The following ZNF654 variants were observed in gnomAD, a reference collection of about 807,000 sequenced individuals.
The protein encoded by ZNF654 is zinc finger protein 654.
Under a neutral mutation model 95.3 loss-of-function variants are expected in ZNF654, and 19 were observed. That is an observed-to-expected ratio of 0.20 (90% confidence interval 0.14 to 0.29). The LOEUF (loss-of-function observed/expected upper bound fraction) is 0.29. Ranked by LOEUF, ZNF654 falls within the 10% of genes least tolerant of loss-of-function variation. ZNF654 has a pLI of 1.00. For synonymous variants in ZNF654, 413 were observed against 457.9 expected, an observed-to-expected ratio of 0.90 and a Z score of 1.25; for missense variants, 1,046 against 1,341.0, an observed-to-expected ratio of 0.78 and a Z score of 3.44.
chr3:88,080,901 G>C (rs1233774815), intron 1 of ZNF654, among the ~76,000 whole-genome samples: 2 of 152,112 alleles, frequency 1.3e-5, no homozygotes, highest in African/African-American at 4.8e-5. Flanking sequence ...AAGTAACATT[G>C]GTACAATAGT....
At chr3:88,091,209 T>G (rs2079051124) in intron 2 of ZNF654, among the ~76,000 whole-genome samples, 1 of 152,188 alleles carries the variant, frequency 6.6e-6, no homozygotes, top group Non-Finnish European at 1.5e-5. Context: ...ACATAATGAC[T>G]GTACTATGTT....
At chr3:88,112,002 T>A (rs745482217) in intron 2 of ZNF654, among the ~76,000 whole-genome samples, 7 of 151,988 alleles carry the variant, frequency 4.6e-5, no homozygotes, top group Non-Finnish European at 7.4e-5. Flanking sequence ...TTGACTTTTT[T>A]AACCTAACTT....
Position 88,059,301 on chromosome 3 carries a change from G to T in ZNF654, c.-19G>T, listed in dbSNP as rs1274746286. Reference sequence around the variant, plus strand: ...GGCGGCGGCGCAGGGGCTGGTACGCGCTGGGCGGCGAGAGCCTCATGGCGG... The same window carrying T: ...GGCGGCGGCGCAGGGGCTGGTACGCTCTGGGCGGCGAGAGCCTCATGGCGG... On this transcript the variant is annotated 5_prime_UTR_variant, in exon 1 of 9. Transcript: ENST00000636215. 3 of 1,532,938 alleles carry T rather than the reference G, an allele frequency of 2.0e-6. No individual in the cohort carries two copies. The highest frequency in any genetic ancestry group is 2.4e-5 in the East Asian group (1 of 40,850). 95.0% of individuals were successfully genotyped at this position (1,532,938 alleles called of 1,614,324 possible).
At chr3:88,082,764 T>G (rs1708147334) in intron 1 of ZNF654, among the ~76,000 whole-genome samples, 1 of 152,222 alleles carries the variant, frequency 6.6e-6, no homozygotes, top group Non-Finnish European at 1.5e-5. Flanking sequence ...ATATTTTAGT[T>G]GATCACTTTA....
At chr3:88,072,204 C>G (rs1707554456) in intron 1 of ZNF654, among the ~76,000 whole-genome samples, 1 of 152,128 alleles carries the variant, frequency 6.6e-6, no homozygotes, top group African/African-American at 2.4e-5. Flanking sequence ...GCATATCTAA[C>G]TATTATTTCT....
chr3:88,083,951 A>G (rs1265440668), intron 1 of ZNF654, among the ~76,000 whole-genome samples: 1 of 134,174 alleles, frequency 7.5e-6, no homozygotes, highest in Non-Finnish European at 1.6e-5. Context: ...TTATATATAT[A>G]TATATATATA....
intron 1 of ZNF654, among the ~76,000 whole-genome samples, chr3:88,083,948 TATATA>T (rs1708213584): frequency 2.1e-4 from 1 of 4,876 alleles, no homozygotes; most frequent in Non-Finnish European, 1.3e-3. Context: ...ATTTTATATA[TATATA>T]TATATATATA....
chr3:88,111,007 T>C (rs1308062198), intron 2 of ZNF654, among the ~76,000 whole-genome samples: 1 of 152,076 alleles, frequency 6.6e-6, no homozygotes, highest in African/African-American at 2.4e-5. Context: ...CTTTAGATAG[T>C]ACAGTCCAAA....
In ZNF654 at chr3:88,140,975, T is replaced by C. The variant is rs1376037599; in HGVS notation, c.3306T>C (p.Asn1102=). Residue 1102 remains asparagine, a synonymous_variant, in exon 8 of 9, where the codon AAT becomes AAC. Transcript: ENST00000636215. ...RCGKCLTTYC[N]AEALEAHLAQ... ...GCAAATGCCTGACCACCTACTGTAA[T>C]GCAGAAGCACTTGAGGCTCATCTTG... 14 of 1,613,288 alleles carry C rather than the reference T, an allele frequency of 8.7e-6. No homozygotes were observed. Among genetic ancestry groups the C allele is most frequent in the African/African-American group, 1.3e-5 (1 of 74,888 alleles).
intron 7 of ZNF654, 36 bp from the exon 8 acceptor site, chr3:88,138,669 A>G: frequency 8.3e-7 from 1 of 1,204,888 alleles, no homozygotes; most frequent in Non-Finnish European, 1.0e-6. Flanking sequence ...TTTTTTGGAA[A>G]AAAAGTATTT....
At chr3:88,128,329 G>A (rs1213662735) in intron 4 of ZNF654, among the ~76,000 whole-genome samples, 1 of 151,876 alleles carries the variant, frequency 6.6e-6, no homozygotes, top group East Asian at 1.9e-4. Context: ...TATTTTTCTT[G>A]TGATTCAACT....
chr3:88,106,871 A>C (rs1055289679), intron 2 of ZNF654, among the ~76,000 whole-genome samples: 1 of 152,120 alleles, frequency 6.6e-6, no homozygotes, highest in Non-Finnish European at 1.5e-5. Context: ...TGAAGAAGTG[A>C]ATTTTTCCCT....
At chr3:88,122,375 A>C (rs1481482091) in intron 3 of ZNF654, among the ~76,000 whole-genome samples, 1 of 152,168 alleles carries the variant, frequency 6.6e-6, no homozygotes. Context: ...ATCCTATGAT[A>C]AACTGCTGAC....
intron 2 of ZNF654, chr3:88,095,618 T>A: frequency 1.9e-6 from 1 of 517,162 alleles, no homozygotes; most frequent in Middle Eastern, 5.7e-4. Context: ...TTTCTGGTTC[T>A]AGTCTTATCT....
At chr3:88,137,539 G>A (rs1706872076) in intron 7 of ZNF654, among the ~76,000 whole-genome samples, 1 of 152,052 alleles carries the variant, frequency 6.6e-6, no homozygotes, top group Non-Finnish European at 1.5e-5. Context: ...CAGTTGGGGG[G>A]TGAGGACATA....
chr3:88,090,887 C>T (rs1489009393), intron 2 of ZNF654, among the ~76,000 whole-genome samples: 6 of 152,128 alleles, frequency 3.9e-5, no homozygotes, highest in African/African-American at 1.2e-4. Context: ...AAAAAGATTA[C>T]GTAATGTTTT....
At chr3:88,098,657 G>T (rs1321178961) in intron 2 of ZNF654, among the ~76,000 whole-genome samples, 1 of 152,084 alleles carries the variant, frequency 6.6e-6, no homozygotes, top group Non-Finnish European at 1.5e-5. Flanking sequence ...TTCATCCCTG[G>T]GATGCAAGGC....
At position 88,140,441 on chromosome 3, in the gene ZNF654, A is replaced by G; in HGVS notation, c.2772A>G (p.Pro924=). The change falls in exon 8 of 9, where the codon CCA becomes CCG. Residue 924 remains proline, a synonymous_variant. Coordinates refer to ENST00000636215, the MANE Select transcript of ZNF654 (RefSeq NM_001350134.2). The part of the protein sequence containing the change: ...TSKSRKESTE[P]KTCIESMEKK... The stretch of plus-strand genomic sequence containing the variant: ...AATCAAGGAAAGAGTCTACAGAACC[A>G]AAGACATGTATAGAAAGTATGGAAA... 6.2e-7 allele frequency: 1 copy of G among 1,613,700 alleles called. No individual in the cohort carries two copies. Among genetic ancestry groups the G allele is most frequent in the Non-Finnish European group, 8.5e-7 (1 of 1,179,752 alleles).
chr3:88,098,695 G>A (rs1250446804), intron 2 of ZNF654, among the ~76,000 whole-genome samples: 5 of 152,186 alleles, frequency 3.3e-5, no homozygotes, highest in Middle Eastern at 3.4e-3. Context: ...ATCAATAAAC[G>A]TAATCCAGCA....
Sources: allele counts gnomAD v4.1 joint callset (sites outside exome capture counted in the v4.1 genomes callset), GRCh38; gene constraint gnomAD v4.1.1; transcripts MANE v1.5; gene names NCBI Gene and HGNC (gene_info 2026-07-23, HGNC 2026-07-21).